Variants in ALK observed in about 807,000 individuals in gnomAD.
ALK encodes the protein ALK receptor tyrosine kinase.
In ALK, 74 loss-of-function variants were observed where a neutral mutation model predicts 163.1. That is an observed-to-expected ratio of 0.45 (90% CI 0.38 to 0.55). The LOEUF (loss-of-function observed/expected upper bound fraction) is 0.55, where lower values mean the gene tolerates loss of function less well. Among genes scored for constraint, ALK ranks in the 20% least tolerant of loss-of-function variants. The pLI is 0.00. For synonymous variants in ALK, 960 were observed against 843.2 expected, an observed-to-expected ratio of 1.14 and a Z score of -2.40; for missense variants, 2,063 against 2,105.3, an observed-to-expected ratio of 0.98 and a Z score of 0.39.
At chr2:29,828,679 G>A (rs1572413756) in intron 1 of ALK, among the ~76,000 whole-genome samples, 1 of 152,188 alleles carries the variant, frequency 6.6e-6, no homozygotes, top group Non-Finnish European at 1.5e-5. Flanking sequence ...GTGCTGGAGA[G>A]GATGTGGAGA....
chr2:29,279,774 C>T (rs886175099), intron 9 of ALK, among the ~76,000 whole-genome samples: 5 of 152,188 alleles, frequency 3.3e-5, no homozygotes, highest in Non-Finnish European at 4.4e-5. Context: ...CACTCCTTTC[C>T]GTGAGTCCCC....
chr2:29,786,550 G>T (rs1417024126), intron 1 of ALK, among the ~76,000 whole-genome samples: 1 of 152,088 alleles, frequency 6.6e-6, no homozygotes, highest in Non-Finnish European at 1.5e-5. Context: ...AGATCACCAC[G>T]TGGCCACTCC....
chr2:29,345,706 C>T (rs1480787439), intron 5 of ALK, among the ~76,000 whole-genome samples: 1 of 151,994 alleles, frequency 6.6e-6, no homozygotes, highest in African/African-American at 2.4e-5. Context: ...AAAGCAAAAA[C>T]AAAGAAACAA....
At chr2:29,438,546 A>G (rs1244799542) in intron 4 of ALK, among the ~76,000 whole-genome samples, 4 of 152,250 alleles carry the variant, frequency 2.6e-5, no homozygotes, top group Non-Finnish European at 5.9e-5. Context: ...AAAGCATGAG[A>G]TTCAAACATT....
chr2:29,849,719 C>A (rs573899932), intron 1 of ALK, among the ~76,000 whole-genome samples: 1 of 152,132 alleles, frequency 6.6e-6, no homozygotes, highest in African/African-American at 2.4e-5. Context: ...TTTGCTGGTA[C>A]CTGGCTGTCA....
intron 3 of ALK, among the ~76,000 whole-genome samples, chr2:29,663,461 C>T (rs913443793): frequency 1.2e-4 from 18 of 152,108 alleles, no homozygotes; most frequent in Non-Finnish European, 7.4e-5. Flanking sequence ...CTCTCTCTCC[C>T]GGATTCTTTC....
At chr2:29,349,429 G>C (rs759634683) in intron 5 of ALK, among the ~76,000 whole-genome samples, 3 of 152,164 alleles carry the variant, frequency 2.0e-5, no homozygotes, top group Non-Finnish European at 4.4e-5. Flanking sequence ...GGCAACACTG[G>C]CTTAATAGTC....
intron 3 of ALK, among the ~76,000 whole-genome samples, chr2:29,682,685 C>T (rs1164964350): frequency 6.6e-6 from 1 of 152,174 alleles, no homozygotes; most frequent in Non-Finnish European, 1.5e-5. Context: ...ACAGGGGCAT[C>T]CCAAGCTGTT....
chr2:29,699,136 G>A (rs1254722254), intron 2 of ALK, among the ~76,000 whole-genome samples: 1 of 152,166 alleles, frequency 6.6e-6, no homozygotes, highest in Non-Finnish European at 1.5e-5. Flanking sequence ...TATTTTACAG[G>A]AGGGATTCAG....
intron 5 of ALK, among the ~76,000 whole-genome samples, chr2:29,382,321 T>C (rs7602090): frequency 0.99 from 150,377 of 152,318 alleles, 74,262 homozygotes; most frequent in Middle Eastern, 1. Context: ...ACAGACTCAC[T>C]GCGAATGCAA....
chr2:29,436,662 A>C (rs1371065639), intron 4 of ALK, among the ~76,000 whole-genome samples: 1 of 151,882 alleles, frequency 6.6e-6, no homozygotes, highest in East Asian at 1.9e-4. Context: ...TCAGCTGATA[A>C]CTCTCTCTTA....
chr2:29,711,656 G>A (rs965995887), intron 2 of ALK, among the ~76,000 whole-genome samples: 4 of 152,144 alleles, frequency 2.6e-5, no homozygotes, highest in African/African-American at 9.7e-5. Flanking sequence ...TCTGAAGGGG[G>A]AAGTCAAGAC....
At chr2:29,396,706 C>A (rs1025797864) in intron 4 of ALK, among the ~76,000 whole-genome samples, 12 of 151,810 alleles carry the variant, frequency 7.9e-5, no homozygotes, top group African/African-American at 2.9e-4. Context: ...CAAAAAAAAC[C>A]CTCAAACATG....
At chr2:29,461,590 TG>T (rs1473099502) in intron 4 of ALK, among the ~76,000 whole-genome samples, 1 of 152,166 alleles carries the variant, frequency 6.6e-6, no homozygotes, top group Non-Finnish European at 1.5e-5. Context: ...TCACAATACA[TG>T]GTTTACTAAA....
chr2:29,249,752 C>G (rs533733802), intron 12 of ALK, among the ~76,000 whole-genome samples: 1 of 152,176 alleles, frequency 6.6e-6, no homozygotes, highest in Non-Finnish European at 1.5e-5. Flanking sequence ...CTTTCCTCCC[C>G]GCCCTGGGCC....
intron 1 of ALK, among the ~76,000 whole-genome samples, chr2:29,848,492 A>G (rs1432631762): frequency 6.6e-6 from 1 of 152,222 alleles, no homozygotes; most frequent in Admixed American, 6.5e-5. Context: ...TAAGTAGAGA[A>G]TTCTAAAGTG....
At chr2:29,594,798 T>C (rs1416832515) in intron 3 of ALK, among the ~76,000 whole-genome samples, 1 of 148,828 alleles carries the variant, frequency 6.7e-6, no homozygotes, top group African/African-American at 2.5e-5. Context: ...ATGGGTATAG[T>C]GTGGCTATAG....
intron 1 of ALK, among the ~76,000 whole-genome samples, chr2:29,826,266 T>A (rs1205024826): frequency 8.6e-4 from 93 of 108,478 alleles, no homozygotes; most frequent in African/African-American, 2.8e-3. Context: ...AAAGAAAGAG[T>A]GTGCCTGTGA....
chr2:29,487,337 C>A (rs956133221), intron 4 of ALK, among the ~76,000 whole-genome samples: 5 of 152,258 alleles, frequency 3.3e-5, no homozygotes, highest in African/African-American at 9.6e-5. Context: ...GAAAGGGAAC[C>A]CCCATACCCC....
Sources: allele counts gnomAD v4.1 joint callset (sites outside exome capture counted in the v4.1 genomes callset), GRCh38; gene constraint gnomAD v4.1.1; transcripts MANE v1.5; gene names NCBI Gene and HGNC (gene_info 2026-07-23, HGNC 2026-07-21).